Variants in FRMD4A observed in about 807,000 individuals in gnomAD.
FRMD4A encodes the protein FERM domain-containing protein 4A.
In FRMD4A, 29 loss-of-function variants were observed where a neutral mutation model predicts 129.1. The observed-to-expected ratio is 0.22, with a 90% confidence interval of 0.17 to 0.31. FRMD4A has a LOEUF of 0.31. Among genes scored for constraint, FRMD4A ranks in the 10% least tolerant of loss-of-function variants. The pLI is 1.00. For synonymous variants in FRMD4A, 634 were observed against 571.6 expected (o/e 1.11, Z -1.56); for missense variants, 1,272 against 1,375.8 (o/e 0.92, Z 1.19).
chr10:13,796,963 G>A (rs905250956), intron 4 of FRMD4A, among the ~76,000 whole-genome samples: 2 of 152,032 alleles, frequency 1.3e-5, no homozygotes, highest in South Asian at 2.1e-4. Flanking sequence ...CAGGTGATCC[G>A]CCCACCTCGG....
intron 2 of FRMD4A, among the ~76,000 whole-genome samples, chr10:14,327,757 G>T (rs146223584): frequency 1.3e-5 from 2 of 152,128 alleles, no homozygotes; most frequent in Non-Finnish European, 2.9e-5. Flanking sequence ...CACCAACCTG[G>T]TATCAGCCTC....
intron 6 of FRMD4A, among the ~76,000 whole-genome samples, chr10:13,766,107 G>T (rs1303248917): frequency 6.6e-6 from 1 of 152,244 alleles, no homozygotes; most frequent in East Asian, 1.9e-4. Flanking sequence ...GCGGAGGCGG[G>T]TAACACGAAG....
intron 2 of FRMD4A, among the ~76,000 whole-genome samples, chr10:14,154,360 C>G (rs1021210022): frequency 1.3e-5 from 2 of 152,066 alleles, no homozygotes; most frequent in African/African-American, 4.8e-5. Flanking sequence ...TTTAGAAAGC[C>G]TTATTTAAAT....
intron 8 of FRMD4A, among the ~76,000 whole-genome samples, chr10:13,758,076 T>C (rs1033793938): frequency 3.3e-5 from 5 of 152,222 alleles, no homozygotes; most frequent in Non-Finnish European, 1.5e-5. Context: ...CAATCCCCTT[T>C]TCTCTTGTAC....
At chr10:13,771,964 A>G (rs2092467337) in intron 6 of FRMD4A, among the ~76,000 whole-genome samples, 1 of 151,174 alleles carries the variant, frequency 6.6e-6, no homozygotes, top group African/African-American at 2.4e-5. Context: ...AAAAAAACAA[A>G]TTAGCTGGGT....
At chr10:14,245,812 T>C (rs566201631) in intron 2 of FRMD4A, among the ~76,000 whole-genome samples, 1 of 152,268 alleles carries the variant, frequency 6.6e-6, no homozygotes, top group Admixed American at 6.5e-5. Context: ...TAATAAGTTT[T>C]TGTTGTTTAA....
At chr10:13,716,567 T>C (rs188370970) in intron 12 of FRMD4A, among the ~76,000 whole-genome samples, 64 of 152,352 alleles carry the variant, frequency 4.2e-4, no homozygotes, top group Non-Finnish European at 7.6e-4. Context: ...TTCCGGCCAA[T>C]TGCGTCTTCC....
chr10:13,689,198 C>CGGGGGGGTGGGGGGGGGGGG (rs2085398998), intron 15 of FRMD4A, among the ~76,000 whole-genome samples: 1 of 68,028 alleles, frequency 1.5e-5, no homozygotes, highest in African/African-American at 4.5e-5. Context: ...AAACTCTTTG[C>CGGGGGGGTGGGGGGGGGGGG]GGGGGGGGGG....
chr10:13,966,453 C>A (rs1457225676), intron 2 of FRMD4A, among the ~76,000 whole-genome samples: 1 of 152,186 alleles, frequency 6.6e-6, no homozygotes, highest in Non-Finnish European at 1.5e-5. Flanking sequence ...CTGCCATTAA[C>A]CCTGGTTTGG....
intron 2 of FRMD4A, among the ~76,000 whole-genome samples, chr10:14,162,414 T>C (rs1034327538): frequency 6.6e-6 from 1 of 152,240 alleles, no homozygotes; most frequent in Non-Finnish European, 1.5e-5. Context: ...GGTACAAGTG[T>C]ATATGATGGC....
intron 2 of FRMD4A, among the ~76,000 whole-genome samples, chr10:14,039,407 C>CT (rs1833672639): frequency 2.7e-5 from 4 of 147,700 alleles, no homozygotes; most frequent in African/African-American, 1.0e-4. Context: ...TCCATCCATC[C>CT]ATCTATCTAT....
At chr10:14,302,610 G>A (rs1197007628) in intron 2 of FRMD4A, among the ~76,000 whole-genome samples, 1 of 152,188 alleles carries the variant, frequency 6.6e-6, no homozygotes, top group Non-Finnish European at 1.5e-5. Context: ...TTAGAATAAT[G>A]CCTAGCACAT....
At chr10:14,157,467 C>T (rs554416314) in intron 2 of FRMD4A, among the ~76,000 whole-genome samples, 13 of 152,298 alleles carry the variant, frequency 8.5e-5, no homozygotes, top group African/African-American at 2.9e-4. Flanking sequence ...GTTGAGCCTT[C>T]GGCAAGCAAT....
chr10:14,207,719 C>T (rs958612108), intron 2 of FRMD4A, among the ~76,000 whole-genome samples: 25 of 151,026 alleles, frequency 1.7e-4, no homozygotes, highest in Admixed American at 1.3e-3. Flanking sequence ...CACACACACA[C>T]GGAGGGAAGG....
rs186212969 is a variant in FRMD4A at position 13,711,512 on chromosome 10, G to A, written c.760-4399C>T. Among the ~76,000 whole-genome samples, 12 of 152,322 alleles carry A rather than the reference G, an allele frequency of 7.9e-5. No individual in the cohort carries two copies. In the South Asian group the frequency reaches 2.3e-3, roughly 29 times the overall value. On this transcript the variant is annotated intron_variant, in intron 12 of 24. Coordinates refer to ENST00000357447, the MANE Select transcript of FRMD4A (RefSeq NM_018027.5). ...AGCTGCCAACACACTCTGCCTCTCCGCATAAAAACACAGCAGGCACCCATA... is the reference window on the plus strand; with the variant it reads ...AGCTGCCAACACACTCTGCCTCTCCACATAAAAACACAGCAGGCACCCATA...
intron 2 of FRMD4A, among the ~76,000 whole-genome samples, chr10:14,004,473 T>C (rs915339400): frequency 1.3e-4 from 20 of 151,666 alleles, no homozygotes; most frequent in Non-Finnish European, 2.5e-4. Context: ...ACCCAGGAGG[T>C]GGAGGTTGCA....
intron 5 of FRMD4A, among the ~76,000 whole-genome samples, chr10:13,787,684 C>G (rs940265051): frequency 6.6e-6 from 1 of 151,864 alleles, no homozygotes; most frequent in African/African-American, 2.4e-5. Flanking sequence ...GTCTTGAACT[C>G]CTGAGCTCAA....
At chr10:14,261,369 C>T (rs1419983831) in intron 2 of FRMD4A, among the ~76,000 whole-genome samples, 1 of 151,986 alleles carries the variant, frequency 6.6e-6, no homozygotes, top group African/African-American at 2.4e-5. Context: ...TGCAGAATTC[C>T]GTGGGCCATG....
intron 2 of FRMD4A, among the ~76,000 whole-genome samples, chr10:13,910,007 TGG>T (rs2094925114): frequency 6.6e-6 from 1 of 152,230 alleles, no homozygotes; most frequent in Admixed American, 6.5e-5. Context: ...AATACATTCT[TGG>T]ACAGCCATGA....
Sources: allele counts gnomAD v4.1 joint callset (sites outside exome capture counted in the v4.1 genomes callset), GRCh38; gene constraint gnomAD v4.1.1; transcripts MANE v1.5; gene names NCBI Gene and HGNC (gene_info 2026-07-23, HGNC 2026-07-21).